The following TFEC variants were observed in gnomAD, a reference collection of about 807,000 sequenced individuals.
The protein encoded by TFEC is transcription factor EC.
TFEC carries 31 observed loss-of-function variants against 41.6 expected under a neutral mutation model. That is an observed-to-expected ratio of 0.74 (90% CI 0.56 to 1.01). TFEC has a LOEUF of 1.01. TFEC is among the 50% of genes least tolerant of loss of function. The pLI is 0.00. For synonymous variants in TFEC, 143 were observed against 140.6 expected, an observed-to-expected ratio of 1.02 and a Z score of -0.12; for missense variants, 402 against 404.1, an observed-to-expected ratio of 0.99 and a Z score of 0.04.
At chr7:116,096,346 T>A (rs1797460013) in intron 3 of TFEC, among the ~76,000 whole-genome samples, 1 of 152,186 alleles carries the variant, frequency 6.6e-6, no homozygotes, top group Non-Finnish European at 1.5e-5. Flanking sequence ...GTCTCATATT[T>A]TAAATGAGCA....
intron 1 of TFEC, among the ~76,000 whole-genome samples, chr7:116,141,623 C>T (rs1298393923): frequency 2.0e-5 from 3 of 152,136 alleles, no homozygotes; most frequent in African/African-American, 7.2e-5. Context: ...CCACTGGAAG[C>T]ACAGAGGCAG....
chr7:116,140,325 G>T (rs1198341120), intron 1 of TFEC, among the ~76,000 whole-genome samples: 2 of 152,118 alleles, frequency 1.3e-5, no homozygotes, highest in African/African-American at 4.8e-5. Flanking sequence ...CATTCTTCAC[G>T]CAAGAATAGA....
At chr7:116,055,740 T>G (rs915610180) in intron 3 of TFEC, among the ~76,000 whole-genome samples, 1 of 152,034 alleles carries the variant, frequency 6.6e-6, no homozygotes, top group Non-Finnish European at 1.5e-5. Context: ...TATAATAATT[T>G]TTTTCTGTAA....
intron 1 of TFEC, among the ~76,000 whole-genome samples, chr7:116,116,696 T>G (rs1030140308): frequency 2.0e-5 from 3 of 151,948 alleles, no homozygotes; most frequent in Non-Finnish European, 4.4e-5. Flanking sequence ...ATTCTATGAA[T>G]GAGCAAATAA....
rs1795368721 is a variant in TFEC, at chr7:116,020,788, A to G, written c.-73+9845T>C. Among the ~76,000 whole-genome samples, 4 of 152,226 alleles carry G rather than the reference A, an allele frequency of 2.6e-5. No individual in the cohort carries two copies. The South Asian group carries it at 8.3e-4, about 32-fold the overall frequency. On this transcript the variant is annotated intron_variant, in intron 1 of 7. Coordinates refer to ENST00000265440, the MANE Select transcript of TFEC (RefSeq NM_012252.4). ...CCATTGGATTTTTTTTTTTAAGTAC[A>G]GGAGATAGCATCTAAGTCCTGAACA...
At chr7:115,969,120 T>A (rs536816198) in intron 3 of TFEC, among the ~76,000 whole-genome samples, 21 of 151,866 alleles carry the variant, frequency 1.4e-4, no homozygotes, top group Admixed American at 1.1e-3. Flanking sequence ...ATGTGTGAAT[T>A]TTAGTCATTT....
chr7:116,144,616 T>C (rs899969322), intron 1 of TFEC, among the ~76,000 whole-genome samples: 2 of 152,160 alleles, frequency 1.3e-5, no homozygotes, highest in East Asian at 1.9e-4. Context: ...TCCCAAAGCA[T>C]TGGAATAACG....
chr7:116,032,900 A>C (rs990251918), upstream of TFEC, among the ~76,000 whole-genome samples: 1 of 152,162 alleles, frequency 6.6e-6, no homozygotes, highest in African/African-American at 2.4e-5. Context: ...CATTTCAAAA[A>C]TAGTTTATAA....
At chr7:115,984,593 G>A in intron 1 of TFEC, 80 bp from the exon 2 acceptor site, 1 of 1,494,284 alleles carries the variant, frequency 6.7e-7, no homozygotes, top group Admixed American at 2.0e-5. Flanking sequence ...ATTGCACTAG[G>A]ATAATAAACA....
intron 3 of TFEC, among the ~76,000 whole-genome samples, chr7:116,082,099 T>C (rs1374515919): frequency 6.6e-6 from 1 of 152,064 alleles, no homozygotes; most frequent in Non-Finnish European, 1.5e-5. Flanking sequence ...TGATGATAAC[T>C]TTATTCATCT....
intron 3 of TFEC, among the ~76,000 whole-genome samples, chr7:116,106,526 G>A (rs946745314): frequency 2.6e-5 from 4 of 152,098 alleles, no homozygotes; most frequent in Admixed American, 1.3e-4. Context: ...GGGACTACAG[G>A]CACATGCCAC....
chr7:115,983,095 A>G (rs1793698905), intron 2 of TFEC, among the ~76,000 whole-genome samples: 1 of 120,030 alleles, frequency 8.3e-6, no homozygotes, highest in Admixed American at 8.2e-5. Flanking sequence ...TTTACTGAAC[A>G]GATTATTTCA....
rs1037706133 is a variant in TFEC at position 115,936,382 on chromosome 7, C to T, written c.*4169G>A. ...AATACTGAAACAAAATTCAATCCTT[C>T]GGGTGTCTTTAAGAAACCCAGATGG... On this transcript the variant is annotated 3_prime_UTR_variant, in exon 8 of 8. Transcript: ENST00000265440. The T allele has an allele frequency of 6.6e-6, 1 of 151,554 alleles. No individual in the cohort carries two copies. Among genetic ancestry groups the T allele is most frequent in the Non-Finnish European group, 1.5e-5 (1 of 67,616 alleles). The allele number at this position is 151,554 out of a possible 1,614,324, so 9.4% of individuals were successfully genotyped here. A position where few individuals can be genotyped will look rare whatever the true frequency, so the allele number is the denominator to read the frequency against.
intron 1 of TFEC, among the ~76,000 whole-genome samples, chr7:116,150,277 T>C (rs935322032): frequency 6.6e-6 from 1 of 152,166 alleles, no homozygotes; most frequent in African/African-American, 2.4e-5. Flanking sequence ...CTCCTCTTCT[T>C]TGGGTGGTGG....
At chr7:116,054,686 T>C (rs1425934924) in intron 3 of TFEC, among the ~76,000 whole-genome samples, 4 of 152,138 alleles carry the variant, frequency 2.6e-5, no homozygotes, top group Non-Finnish European at 5.9e-5. Flanking sequence ...ATGTCTCAAA[T>C]ATGGCATGGA....
chr7:115,954,188 G>C (rs753478305), intron 5 of TFEC, among the ~76,000 whole-genome samples: 7 of 152,048 alleles, frequency 4.6e-5, no homozygotes, highest in Non-Finnish European at 7.4e-5. Flanking sequence ...ATTAAGAAAG[G>C]AGGAGCAAAT....
chr7:116,107,764 C>G (rs1797754334), intron 3 of TFEC, among the ~76,000 whole-genome samples: 1 of 152,118 alleles, frequency 6.6e-6, no homozygotes, highest in Admixed American at 6.6e-5. Context: ...CAAATAAGAA[C>G]CACTAGGTCA....
At chr7:116,023,646 T>C (rs542773312) in intron 1 of TFEC, among the ~76,000 whole-genome samples, 16 of 152,240 alleles carry the variant, frequency 1.1e-4, no homozygotes, top group Non-Finnish European at 2.1e-4. Flanking sequence ...TTGCCCTAGG[T>C]CAGTTCATCT....
intron 3 of TFEC, among the ~76,000 whole-genome samples, chr7:116,066,968 C>T (rs1796709095): frequency 6.6e-6 from 1 of 151,864 alleles, no homozygotes; most frequent in South Asian, 2.1e-4. Flanking sequence ...TTTAATCATT[C>T]ACTTAAGAAG....
Sources: allele counts gnomAD v4.1 joint callset (sites outside exome capture counted in the v4.1 genomes callset), GRCh38; gene constraint gnomAD v4.1.1; transcripts MANE v1.5; gene names NCBI Gene and HGNC (gene_info 2026-07-23, HGNC 2026-07-21).